SOCS5: variants seen among roughly 807,000 people sequenced by gnomAD.
The protein encoded by SOCS5 is suppressor of cytokine signaling 5, also known as CIS-6.
In SOCS5, 32 loss-of-function variants were observed where a neutral mutation model predicts 42.8. That is an observed-to-expected ratio of 0.75 (90% CI 0.56 to 1.01). The LOEUF (loss-of-function observed/expected upper bound fraction) is 1.01, where lower values mean the gene tolerates loss of function less well. SOCS5 is among the 50% of genes least tolerant of loss of function. The pLI, the probability that SOCS5 is intolerant of heterozygous loss-of-function variation, is 0.00. For missense variants in SOCS5, 627 were observed against 653.0 expected (o/e 0.96, Z 0.43); for synonymous variants, 283 against 229.6 (o/e 1.23, Z -2.10).
intron 1 of SOCS5, among the ~76,000 whole-genome samples, chr2:46,729,039 T>G (rs1572837944): frequency 2.0e-5 from 3 of 152,214 alleles, no homozygotes; most frequent in African/African-American, 7.2e-5. Flanking sequence ...CATAATTCGT[T>G]TTGACAAGCC....
At chr2:46,723,149 T>C (rs1173528361) in intron 1 of SOCS5, among the ~76,000 whole-genome samples, 1 of 152,114 alleles carries the variant, frequency 6.6e-6, no homozygotes, top group Non-Finnish European at 1.5e-5. Context: ...AACAAAAGTT[T>C]TTAATTTGGT....
At position 46,759,372 on chromosome 2, in the gene SOCS5, A is replaced by G. The variant is rs549671304; in HGVS notation, c.842A>G (p.Asn281Ser). 7 of 1,613,960 alleles carry G rather than the reference A, an allele frequency of 4.3e-6. No individual in the cohort carries two copies. Among genetic ancestry groups the G allele is most frequent in the Admixed American group, 3.3e-5 (2 of 60,010 alleles). ...GAAGAAGGGGTTGATCCCCCTCCCA[A>G]TGCACAAATACATACATTTGAAGCT... The part of the protein sequence containing the change: ...SIEEGVDPPP[N>S]AQIHTFEATA... Residue 281 changes from asparagine to serine, a missense_variant, in exon 2 of 2, where the codon AAT becomes AGT. Physicochemically the swap from Asn to Ser is conservative, Grantham distance 46 (BLOSUM62 1). Transcript: ENST00000394861.
Position 46,729,190 on chromosome 2 carries a change from A to G in SOCS5, c.-12-29329A>G, listed in dbSNP as rs549770268. Among the ~76,000 whole-genome samples, 10 of 152,362 alleles carry G rather than the reference A, an allele frequency of 6.6e-5. No homozygotes were observed. In the East Asian group the frequency reaches 1.7e-3, roughly 26 times the overall value. ...TTCACCATTGTTTGAGACATATGCTATATGCTAAAATCTAATTTTTTACTA... is the reference window on the plus strand; with the variant it reads ...TTCACCATTGTTTGAGACATATGCTGTATGCTAAAATCTAATTTTTTACTA... On this transcript the variant is annotated intron_variant, in intron 1 of 1. Transcript: ENST00000394861.
intron 1 of SOCS5, among the ~76,000 whole-genome samples, chr2:46,715,644 A>G (rs573010304): frequency 1.3e-5 from 2 of 152,140 alleles, no homozygotes; most frequent in South Asian, 4.1e-4. Context: ...TCTTGTTTGT[A>G]TAGTTTCTGA....
chr2:46,738,858 G>C (rs1673309008), intron 1 of SOCS5, among the ~76,000 whole-genome samples: 1 of 152,112 alleles, frequency 6.6e-6, no homozygotes, highest in Admixed American at 6.6e-5. Context: ...TTCCCATACA[G>C]TCAAATAAGA....
intron 1 of SOCS5, among the ~76,000 whole-genome samples, chr2:46,713,456 A>G (rs1392378916): frequency 2.0e-5 from 3 of 152,236 alleles, no homozygotes; most frequent in Non-Finnish European, 2.9e-5. Context: ...GCATGAAAAT[A>G]AATTATAAAT....
intron 1 of SOCS5, among the ~76,000 whole-genome samples, chr2:46,756,474 C>T (rs1235064028): frequency 6.6e-6 from 1 of 152,120 alleles, no homozygotes; most frequent in Non-Finnish European, 1.5e-5. Flanking sequence ...AAAAACAGGC[C>T]ACAGGCCAGA....
intron 1 of SOCS5, among the ~76,000 whole-genome samples, chr2:46,704,757 A>G (rs908515780): frequency 6.6e-6 from 1 of 152,194 alleles, no homozygotes; most frequent in East Asian, 1.9e-4. Flanking sequence ...CTGAGCAATA[A>G]AGGTGAAAGA....
At chr2:46,719,128 A>T (rs1241649346) in intron 1 of SOCS5, among the ~76,000 whole-genome samples, 1 of 152,202 alleles carries the variant, frequency 6.6e-6, no homozygotes, top group African/African-American at 2.4e-5. Context: ...TGTTCTGATT[A>T]TAATAAAAAT....
chr2:46,734,896 C>T (rs138971480), intron 1 of SOCS5, among the ~76,000 whole-genome samples: 1 of 152,340 alleles, frequency 6.6e-6, no homozygotes, highest in East Asian at 1.9e-4. Context: ...TTTTACTTGA[C>T]ATCATCCGCC....
chr2:46,746,918 A>ATTTTT (rs1673512042), intron 1 of SOCS5, among the ~76,000 whole-genome samples: 1 of 61,226 alleles, frequency 1.6e-5, no homozygotes, highest in Non-Finnish European at 3.4e-5. Context: ...GCATGACTTT[A>ATTTTT]TTTCTTTTTT....
intron 1 of SOCS5, among the ~76,000 whole-genome samples, chr2:46,726,343 G>C (rs113371671): frequency 0.12 from 18,042 of 152,060 alleles, 1,167 homozygotes; most frequent in Non-Finnish European, 0.15. Flanking sequence ...TGATCCACCC[G>C]CCTCGACCTC....
intron 1 of SOCS5, among the ~76,000 whole-genome samples, chr2:46,748,506 G>A (rs1479269370): frequency 1.3e-5 from 2 of 151,918 alleles, no homozygotes; most frequent in East Asian, 3.9e-4. Flanking sequence ...TTTTTCTTAT[G>A]GTGTCAGGGA....
intron 1 of SOCS5, among the ~76,000 whole-genome samples, chr2:46,755,676 C>T (rs1282162666): frequency 8.5e-5 from 13 of 152,152 alleles, no homozygotes; most frequent in South Asian, 4.1e-4. Flanking sequence ...TGAAATTTAA[C>T]GCTTTTTTTA....
At chr2:46,738,945 T>A (rs1673311331) in intron 1 of SOCS5, among the ~76,000 whole-genome samples, 2 of 152,180 alleles carry the variant, frequency 1.3e-5, no homozygotes, top group Admixed American at 1.3e-4. Flanking sequence ...TTAAGGAACA[T>A]CTTGGAATAA....
chr2:46,744,152 G>T (rs574135717), intron 1 of SOCS5, among the ~76,000 whole-genome samples: 1 of 151,936 alleles, frequency 6.6e-6, no homozygotes, highest in Admixed American at 6.5e-5. Context: ...ACCACACCTG[G>T]CTAATTTTTG....
chr2:46,746,378 CG>C (rs370925568), intron 1 of SOCS5, among the ~76,000 whole-genome samples: 4 of 152,060 alleles, frequency 2.6e-5, no homozygotes, highest in African/African-American at 9.6e-5. Context: ...CCATCAGGGC[CG>C]GGTGGCTCAC....
chr2:46,729,873 T>C (rs1166357990), intron 1 of SOCS5, among the ~76,000 whole-genome samples: 3 of 152,256 alleles, frequency 2.0e-5, no homozygotes, highest in Admixed American at 6.5e-5. Flanking sequence ...GCCTATTTTG[T>C]AGTAGTACTT....
chr2:46,716,897 A>C (rs1010964990), intron 1 of SOCS5, among the ~76,000 whole-genome samples: 8 of 152,136 alleles, frequency 5.3e-5, no homozygotes, highest in African/African-American at 1.9e-4. Context: ...TGGGCCCACC[A>C]CTGAGGTGTG....
Sources: gnomAD v4.1 joint callset for allele counts (sites outside exome capture counted in the v4.1 genomes callset) on GRCh38, gnomAD v4.1.1 for gene constraint, MANE v1.5 for transcripts, NCBI Gene and HGNC (gene_info 2026-07-23, HGNC 2026-07-21) for gene names.